C3orf20: variants seen among roughly 807,000 people sequenced by gnomAD.
The protein encoded by C3orf20 is uncharacterized protein C3orf20.
A neutral mutation model predicts 88.3 loss-of-function variants in C3orf20; 76 were observed. The ratio of observed to expected loss-of-function variants is 0.86; its 90% CI spans 0.72 to 1.04. The LOEUF (loss-of-function observed/expected upper bound fraction) is 1.04. Ranked by LOEUF, C3orf20 falls within the 50% of genes least tolerant of loss-of-function variation. The pLI is 0.00. For synonymous variants in C3orf20, 436 were observed against 437.4 expected (o/e 1.00, Z 0.04); for missense variants, 1,056 against 1,123.3 (o/e 0.94, Z 0.86).
rs113419004 is a variant in C3orf20, at chr3:14,761,469, A to G, written c.2353-4A>G. ...ATCTCTCCTCATTTCCTTCCTGTCA[A>G]CAGATGTTTGCCGGGGGGAAGCTCA... On this transcript the variant is annotated splice_polypyrimidine_tract_variant and splice_region_variant and intron_variant, in intron 14 of 16. Transcript: ENST00000253697. 42 of 1,613,980 alleles carry G rather than the reference A, an allele frequency of 2.6e-5. No individual in the cohort carries two copies. Among genetic ancestry groups the G allele is most frequent in the African/African-American group, 8.0e-5 (6 of 75,012 alleles).
chr3:14,749,479 T>C (rs1384746122), intron 12 of C3orf20, among the ~76,000 whole-genome samples: 1 of 152,192 alleles, frequency 6.6e-6, no homozygotes, highest in East Asian at 1.9e-4. Context: ...GCAGCTTTAG[T>C]TGCATGTTTG....
intron 4 of C3orf20, among the ~76,000 whole-genome samples, chr3:14,684,600 C>T (rs1256789850): frequency 6.6e-6 from 1 of 152,188 alleles, no homozygotes; most frequent in African/African-American, 2.4e-5. Flanking sequence ...GCAACAGCTA[C>T]ACCTCACAAC....
intron 7 of C3orf20, among the ~76,000 whole-genome samples, chr3:14,712,142 A>T (rs994038441): frequency 1.3e-5 from 2 of 149,276 alleles, no homozygotes; most frequent in African/African-American, 5.0e-5. Context: ...TCCTTATAAG[A>T]AGAGAAAACA....
intron 1 of C3orf20, among the ~76,000 whole-genome samples, chr3:14,678,801 C>T (rs748975964): frequency 2.7e-4 from 41 of 152,198 alleles, no homozygotes; most frequent in Non-Finnish European, 5.7e-4. Flanking sequence ...ATGGCCCCTG[C>T]CCTCCAATTG....
intron 15 of C3orf20, among the ~76,000 whole-genome samples, chr3:14,766,433 C>A (rs1180095442): frequency 6.6e-6 from 1 of 152,186 alleles, no homozygotes; most frequent in Non-Finnish European, 1.5e-5. Flanking sequence ...GGAAAGCTTT[C>A]AAGCAGCCAG....
At chr3:14,713,728 A>C (rs1173722222) in intron 7 of C3orf20, among the ~76,000 whole-genome samples, 8 of 152,224 alleles carry the variant, frequency 5.3e-5, no homozygotes, top group Non-Finnish European at 1.2e-4. Flanking sequence ...CAGGAAACCC[A>C]TTAGACCCAG....
intron 15 of C3orf20, among the ~76,000 whole-genome samples, chr3:14,763,182 G>C (rs1247200863): frequency 1.3e-5 from 2 of 152,210 alleles, no homozygotes; most frequent in Non-Finnish European, 2.9e-5. Context: ...AGATGCCAAA[G>C]AGGACCAGCA....
In C3orf20 at chr3:14,703,374, A is replaced by G. The variant is rs2124934956; in HGVS notation, c.878+112A>G. ...GGACAGTCACAGAAGTGTGTGAGAC[A>G]TGCCACCTGGGAGCGTGGGTTATGT... is the stretch of plus-strand genomic sequence containing the variant. On this transcript the variant is annotated intron_variant, in intron 6 of 16. Coordinates refer to ENST00000253697, the MANE Select transcript of C3orf20 (RefSeq NM_032137.5). The G allele has an allele frequency of 9.8e-6, 15 of 1,530,080 alleles. No homozygotes were observed. In the South Asian group the frequency reaches 1.7e-4, roughly 17 times the overall value. 94.8% of individuals were successfully genotyped at this position (1,530,080 alleles called of 1,614,324 possible). A position where few individuals can be genotyped will look rare whatever the true frequency, so the allele number is the denominator to read the frequency against.
At chr3:14,695,514 C>T (rs1219405670) in intron 5 of C3orf20, among the ~76,000 whole-genome samples, 1 of 152,040 alleles carries the variant, frequency 6.6e-6, no homozygotes, top group Non-Finnish European at 1.5e-5. Flanking sequence ...CCCATTTGGT[C>T]TATAGTATAG....
At chr3:14,759,442 G>A (rs2035489807) in intron 13 of C3orf20, among the ~76,000 whole-genome samples, 1 of 152,176 alleles carries the variant, frequency 6.6e-6, no homozygotes, top group Non-Finnish European at 1.5e-5. Flanking sequence ...TATAGTGACT[G>A]GGAGGGTCCT....
chr3:14,731,760 A>G (rs12496846), intron 12 of C3orf20, among the ~76,000 whole-genome samples: 39,581 of 152,124 alleles, frequency 0.26, 5,311 homozygotes, highest in South Asian at 0.37. Flanking sequence ...CAGGGTGCCA[A>G]GTTCCCAGAC....
At chr3:14,741,352 T>C (rs1250311036) in intron 12 of C3orf20, among the ~76,000 whole-genome samples, 2 of 152,194 alleles carry the variant, frequency 1.3e-5, no homozygotes, top group South Asian at 2.1e-4. Context: ...TCTGCTTGGC[T>C]TCTCTGCCTG....
chr3:14,764,612 A>G (rs2125042118), intron 15 of C3orf20, among the ~76,000 whole-genome samples: 1 of 152,116 alleles, frequency 6.6e-6, no homozygotes. Flanking sequence ...AAGGTCTGTC[A>G]TACAGTTACA....
chr3:14,685,510 GTA>G (rs200365864), intron 4 of C3orf20, among the ~76,000 whole-genome samples: 16,062 of 147,432 alleles, frequency 0.11, 1,000 homozygotes, highest in African/African-American at 0.17. Context: ...GTGTGTGTGT[GTA>G]TGTGTGTTAA....
chr3:14,679,570 C>T (rs1439737670), intron 1 of C3orf20, among the ~76,000 whole-genome samples: 3 of 151,988 alleles, frequency 2.0e-5, no homozygotes, highest in Non-Finnish European at 4.4e-5. Context: ...AGGGTAACCT[C>T]GTGGCTCAAA....
chr3:14,757,441 C>G lies in C3orf20; in HGVS notation c.2011C>G (p.Arg671Gly). The G allele has an allele frequency of 6.2e-7, 1 of 1,612,396 alleles. No homozygotes were observed. Among genetic ancestry groups the G allele is most frequent in the Non-Finnish European group, 8.5e-7 (1 of 1,179,910 alleles). The change falls in exon 13 of 17, where the codon CGG (arginine) becomes GGG (glycine). Residue 671 changes from arginine to glycine, a missense_variant. Physicochemically the swap from Arg to Gly is moderately radical, Grantham distance 125 (BLOSUM62 -2). Transcript: ENST00000253697. ...ALPSDCPLVL[R>G]KLMLKEDTRA... Reference sequence around the variant, plus strand: ...GCCCTCAGACTGCCCGCTGGTGCTGCGGAAGCTCATGCTCAAGGAAGACAC... The same window carrying G: ...GCCCTCAGACTGCCCGCTGGTGCTGGGGAAGCTCATGCTCAAGGAAGACAC...
At chr3:14,744,806 A>G (rs1304772881) in intron 12 of C3orf20, among the ~76,000 whole-genome samples, 1 of 152,184 alleles carries the variant, frequency 6.6e-6, no homozygotes, top group Non-Finnish European at 1.5e-5. Flanking sequence ...AGCATGGGAA[A>G]GACCAGCCCA....
Position 14,684,270 on chromosome 3 carries a change from G to T in C3orf20, c.513G>T (p.Arg171Ser). 6.2e-7 allele frequency: 1 copy of T among 1,614,150 alleles called. No individual in the cohort carries two copies. The highest frequency in any genetic ancestry group is 1.6e-4 in the Middle Eastern group (1 of 6,062). ...SVGANPLDITRRFVEASQLLH... is the reference protein window; with the variant it reads ...SVGANPLDITSRFVEASQLLH... Reference sequence around the variant, plus strand: ...GTGCCAACCCCTTGGACATCACCAGGCGCTTTGTGGAGGCCAGCCAGCTCC... The same window carrying T: ...GTGCCAACCCCTTGGACATCACCAGTCGCTTTGTGGAGGCCAGCCAGCTCC... Residue 171 changes from arginine (R) to serine (S), a missense_variant, in exon 4 of 17, where the codon AGG becomes AGT. Physicochemically the swap from Arg to Ser is moderately radical, Grantham distance 110 (BLOSUM62 -1). Coordinates refer to ENST00000253697, the MANE Select transcript of C3orf20 (RefSeq NM_032137.5).
intron 5 of C3orf20, among the ~76,000 whole-genome samples, chr3:14,692,393 T>A (rs1399313620): frequency 6.6e-6 from 1 of 152,194 alleles, no homozygotes; most frequent in Non-Finnish European, 1.5e-5. Flanking sequence ...TTTCTCCACA[T>A]CCTCACCAGC....
Sources: gnomAD v4.1 joint callset for allele counts (sites outside exome capture counted in the v4.1 genomes callset) on GRCh38, gnomAD v4.1.1 for gene constraint, MANE v1.5 for transcripts, NCBI Gene and HGNC (gene_info 2026-07-23, HGNC 2026-07-21) for gene names.